PIK3C3: variants seen among roughly 807,000 people sequenced by gnomAD.
PIK3C3 encodes the protein PI3-kinase type 3.
PIK3C3 carries 95 observed loss-of-function variants against 126.1 expected under a neutral mutation model. The ratio of observed to expected loss-of-function variants is 0.75; its 90% CI spans 0.64 to 0.89. PIK3C3 has a LOEUF of 0.89. Among genes scored for constraint, PIK3C3 ranks in the 40% least tolerant of loss-of-function variants. PIK3C3 has a pLI of 0.00. For missense variants in PIK3C3, 829 were observed against 1,063.2 expected (o/e 0.78, Z 3.06); for synonymous variants, 374 against 360.0 (o/e 1.04, Z -0.44).
chr18:42,006,684 G>A (rs1982561140), intron 10 of PIK3C3, among the ~76,000 whole-genome samples: 1 of 152,012 alleles, frequency 6.6e-6, no homozygotes, highest in Admixed American at 6.6e-5. Flanking sequence ...TGTCACTGTA[G>A]ATCTGCCTTA....
Position 41,957,702 on chromosome 18 carries a change from G to A in PIK3C3, c.201G>A (p.Gly67=), listed in dbSNP as rs1309397971. 1.2e-6 allele frequency: 2 copies of A among 1,613,948 alleles called. No homozygotes were observed. Among genetic ancestry groups the A allele is most frequent in the Non-Finnish European group, 8.5e-7 (1 of 1,179,920 alleles). ...LYVTCQVFAE[G]KPLALPVRTS... ...TTACTTGTCAAGTTTTTGCAGAAGG[G>A]AAGCCTTTGGCCTTGCCAGTGAGAA... Residue 67 remains glycine, a synonymous_variant, in exon 2 of 25, where the codon GGG becomes GGA. Coordinates refer to ENST00000262039, the MANE Select transcript of PIK3C3 (RefSeq NM_002647.4).
rs1983087054 is a variant in PIK3C3, at chr18:42,016,635, TG to T, written c.1416+1073del. Among the ~76,000 whole-genome samples the T allele has an allele frequency of 2.0e-5, 3 of 152,258 alleles. No homozygotes were observed. In the South Asian group the frequency reaches 6.2e-4, roughly 32 times the overall value. ...GTGAGAGAACAACCATATGGCTATCTGGGGAAGAGCATTTCAGATAGAGGGA... is the reference window on the plus strand; with the variant it reads ...GTGAGAGAACAACCATATGGCTATCTGGGAAGAGCATTTCAGATAGAGGGA... On this transcript the variant is annotated intron_variant, in intron 12 of 24. Coordinates refer to ENST00000262039, the MANE Select transcript of PIK3C3 (RefSeq NM_002647.4).
At chr18:42,009,473 A>G (rs889393044) in intron 10 of PIK3C3, among the ~76,000 whole-genome samples, 10 of 152,280 alleles carry the variant, frequency 6.6e-5, no homozygotes, top group Non-Finnish European at 1.3e-4. Flanking sequence ...CAATAAAGCA[A>G]ATGTCACAAA....
In PIK3C3 at chr18:42,058,043, C is replaced by T. The variant is rs1490904288; in HGVS notation, c.2424C>T (p.His808=). ...FRKQCYTAFL[H]LRRYSNLILN... ...AACAGTGTTACACGGCTTTCCTCCA[C>T]CTGCGAAGGTAAGTTGATTTGCTTG... Residue 808 remains histidine (H), a synonymous_variant, in exon 22 of 25, where the codon CAC becomes CAT. Coordinates refer to ENST00000262039, the MANE Select transcript of PIK3C3 (RefSeq NM_002647.4). The T allele has an allele frequency of 4.4e-6, 7 of 1,578,840 alleles. No homozygotes were observed. Among genetic ancestry groups the T allele is most frequent in the South Asian group, 2.4e-5 (2 of 84,552 alleles).
intron 4 of PIK3C3, among the ~76,000 whole-genome samples, chr18:41,976,310 A>G (rs1980919058): frequency 6.6e-6 from 1 of 152,122 alleles, no homozygotes; most frequent in African/African-American, 2.4e-5. Flanking sequence ...GTACATGTAG[A>G]AGTCCTCTTT....
intron 24 of PIK3C3, among the ~76,000 whole-genome samples, chr18:42,074,171 T>G (rs936896768): frequency 2.6e-5 from 4 of 152,182 alleles, no homozygotes; most frequent in African/African-American, 7.2e-5. Context: ...AACCCTAGTC[T>G]GTTAGTCTTA....
intron 4 of PIK3C3, 65 bp from the exon 5 acceptor site, chr18:41,987,747 A>T: frequency 2.0e-6 from 2 of 999,720 alleles, no homozygotes; most frequent in Non-Finnish European, 1.6e-6. Flanking sequence ...TGCCATTCTG[A>T]CATTTTTGGT....
intron 10 of PIK3C3, among the ~76,000 whole-genome samples, chr18:42,008,026 C>T (rs1982632613): frequency 6.6e-6 from 1 of 152,136 alleles, no homozygotes; most frequent in African/African-American, 2.4e-5. Flanking sequence ...TATTATCAAA[C>T]ACGCTTTTGA....
rs371140980 is a variant in PIK3C3 at position 41,960,887 on chromosome 18, G to A, written c.258-1602G>A. ...CTCCCAAGTAGCTGGGACTACAGGC[G>A]CGCACCACCATGCCCGGCTGATTTT... On this transcript the variant is annotated intron_variant, in intron 2 of 24. Coordinates refer to ENST00000262039, the MANE Select transcript of PIK3C3 (RefSeq NM_002647.4). Among the ~76,000 whole-genome samples, 6 of 151,922 alleles carry A rather than the reference G, an allele frequency of 3.9e-5. No homozygotes were observed. The East Asian group carries it at 5.8e-4, about 15-fold the overall frequency.
chr18:41,970,583 T>C, intron 4 of PIK3C3, 127 bp downstream of exon 4: 2 of 841,460 alleles, frequency 2.4e-6, no homozygotes, highest in Non-Finnish European at 3.9e-6. Flanking sequence ...ATAATTGTTT[T>C]ATTGAGATAT....
chr18:42,076,090 A>G (rs1488808359), intron 24 of PIK3C3, among the ~76,000 whole-genome samples: 1 of 18,518 alleles, frequency 5.4e-5, no homozygotes, highest in Non-Finnish European at 8.3e-5. Flanking sequence ...TTTACCTTGC[A>G]TATATATATA....
At chr18:42,012,084 A>T (rs991808510) in intron 10 of PIK3C3, among the ~76,000 whole-genome samples, 2 of 152,126 alleles carry the variant, frequency 1.3e-5, no homozygotes, top group Non-Finnish European at 2.9e-5. Flanking sequence ...TATGTGAATA[A>T]CTACAGTGTG....
At chr18:41,964,373 T>C (rs959596743) in intron 3 of PIK3C3, among the ~76,000 whole-genome samples, 2 of 152,148 alleles carry the variant, frequency 1.3e-5, no homozygotes, top group Non-Finnish European at 1.5e-5. Context: ...GCTTCTTTGC[T>C]TAGTATCTGT....
chr18:41,965,766 C>T (rs1339850057), intron 3 of PIK3C3, among the ~76,000 whole-genome samples: 1 of 152,116 alleles, frequency 6.6e-6, no homozygotes, highest in Non-Finnish European at 1.5e-5. Context: ...GTGTATATCC[C>T]AGTGAAAGGA....
At chr18:42,039,992 CT>C (rs1400230007) in intron 18 of PIK3C3, among the ~76,000 whole-genome samples, 1 of 152,012 alleles carries the variant, frequency 6.6e-6, no homozygotes, top group Non-Finnish European at 1.5e-5. Context: ...AATTATTATC[CT>C]ATAGGCTTAC....
At chr18:42,079,579 T>TAAA (rs11380691) in intron 24 of PIK3C3, among the ~76,000 whole-genome samples, 4 of 150,900 alleles carry the variant, frequency 2.7e-5, no homozygotes, top group Non-Finnish European at 5.9e-5. Context: ...TTCAATTTGT[T>TAAA]AAAAAAAAAC....
At chr18:42,031,349 C>T (rs149608990) in intron 15 of PIK3C3, among the ~76,000 whole-genome samples, 1 of 152,192 alleles carries the variant, frequency 6.6e-6, no homozygotes, top group East Asian at 1.9e-4. Flanking sequence ...CTTCGTTGAT[C>T]TCTAGTTTAG....
intron 17 of PIK3C3, 80 bp downstream of exon 17, chr18:42,037,900 A>T (rs1984128208): frequency 7.6e-7 from 1 of 1,309,010 alleles, no homozygotes; most frequent in Non-Finnish European, 1.1e-6. Context: ...TGTTTATGGA[A>T]CAGAAGTATT....
At chr18:42,071,020 G>A (rs1428791474) in intron 24 of PIK3C3, among the ~76,000 whole-genome samples, 1 of 152,248 alleles carries the variant, frequency 6.6e-6, no homozygotes, top group African/African-American at 2.4e-5. Context: ...TAGTAGATAC[G>A]ATGTAGAAAT....
Sources: gnomAD v4.1 joint callset for allele counts (sites outside exome capture counted in the v4.1 genomes callset) on GRCh38, gnomAD v4.1.1 for gene constraint, MANE v1.5 for transcripts, NCBI Gene and HGNC (gene_info 2026-07-23, HGNC 2026-07-21) for gene names.